Variants in COL6A2 observed in about 807,000 individuals in gnomAD.
COL6A2 encodes the protein collagen type VI alpha 2 chain, also known as collagen alpha-2(VI) chain.
A neutral mutation model predicts 124.9 loss-of-function variants in COL6A2; 90 were observed. The observed-to-expected ratio is 0.72, with a 90% CI of 0.61 to 0.86. The LOEUF (loss-of-function observed/expected upper bound fraction) is 0.86, where lower values mean the gene tolerates loss of function less well. Among genes scored for constraint, COL6A2 ranks in the 40% least tolerant of loss-of-function variants. The probability of loss-of-function intolerance (pLI) is 0.00; values close to 1 mark genes in which losing one functional copy is unlikely to be tolerated. For synonymous variants in COL6A2, 793 were observed against 618.2 expected (o/e 1.28, Z -4.19); for missense variants, 1,607 against 1,502.5 (o/e 1.07, Z -1.15).
chr21:46,125,226 G>C, intron 23 of COL6A2, 40 bp from the exon 24 acceptor site: 3 of 1,601,450 alleles, frequency 1.9e-6, no homozygotes, highest in Non-Finnish European at 2.6e-6. Context: ...ACTCTTCTGG[G>C]GCCCCGGGGG....
intron 1 of COL6A2, among the ~76,000 whole-genome samples, chr21:46,108,451 C>G (rs747866527): frequency 1.3e-5 from 2 of 152,168 alleles, no homozygotes; most frequent in African/African-American, 2.4e-5. Context: ...TTAAAAGGGT[C>G]CATGACCACA....
rs1316612734 is a variant in COL6A2 at position 46,122,451 on chromosome 21, C to T, written c.1573-45C>T. 5 of 1,612,524 alleles carry T rather than the reference C, an allele frequency of 3.1e-6. No individual in the cohort carries two copies. In the South Asian group the frequency reaches 4.4e-5, roughly 14 times the overall value. ...AGCTGCCCAGAGGGAGGAAGGAGCA[C>T]TGGGATCTGAGGCTGAGTCACCCTG... On this transcript the variant is annotated intron_variant, in intron 19 of 27. Transcript: ENST00000300527.
intron 1 of COL6A2, among the ~76,000 whole-genome samples, chr21:46,098,613 G>A (rs1351251763): frequency 6.6e-6 from 1 of 151,660 alleles, no homozygotes; most frequent in African/African-American, 2.4e-5. Context: ...ACCTCCGGGG[G>A]CGCAGGGCCT....
At position 46,129,607 on chromosome 21, in the gene COL6A2, G is replaced by C. The variant is rs896424015; in HGVS notation, c.2462-2347G>C. The C allele has an allele frequency of 1.5e-4, 216 of 1,434,006 alleles. 2 individuals carry two copies. In the East Asian group the frequency reaches 5.3e-3, roughly 35 times the overall value. 88.8% of individuals were successfully genotyped at this position (1,434,006 alleles called of 1,614,324 possible). ...AGAGATCTGGAATCGGGGTCAGCGG[G>C]GCTACAGTCCTTCCAGGGGCTCTGG... On this transcript the variant is annotated intron_variant, in intron 27 of 27. Transcript: ENST00000300527.
chr21:46,106,227 T>G (rs184506072), intron 1 of COL6A2, among the ~76,000 whole-genome samples: 1 of 152,360 alleles, frequency 6.6e-6, no homozygotes, highest in Admixed American at 6.5e-5. Context: ...ATCAAAATAT[T>G]TATATCTTAC....
rs773894163 is a variant in COL6A2, at chr21:46,112,465, T to C, written c.602T>C (p.Leu201Pro). Residue 201 changes from leucine to proline, a missense_variant, in exon 3 of 28, where the codon CTG (leucine) becomes CCG (proline). By Grantham distance (98) the Leu-to-Pro change is moderately conservative (BLOSUM62 -3). This residue lies in a region of COL6A2 where 342 missense variants were observed against 381.5 expected (regional missense o/e 0.90). Coordinates refer to ENST00000300527, the MANE Select transcript of COL6A2 (RefSeq NM_001849.4). ...APNQNLKEQGLRDIASTPHEL... is the reference protein window; with the variant it reads ...APNQNLKEQGPRDIASTPHEL... Reference sequence around the variant, plus strand: ...AACCAGAACCTGAAGGAGCAGGGCCTGCGGGACATCGCCAGCACGCCGCAC... The same window carrying C: ...AACCAGAACCTGAAGGAGCAGGGCCCGCGGGACATCGCCAGCACGCCGCAC... 2 of 1,610,788 alleles carry C rather than the reference T, an allele frequency of 1.2e-6. No homozygotes were observed. Among genetic ancestry groups the C allele is most frequent in the South Asian group, 1.1e-5 (1 of 91,058 alleles).
In COL6A2 at chr21:46,117,431, G is replaced by A. The variant is rs886043223; in HGVS notation, c.1031G>A (p.Cys344Tyr). 2 of 1,612,824 alleles carry A rather than the reference G, an allele frequency of 1.2e-6. No individual in the cohort carries two copies. The highest frequency in any genetic ancestry group is 1.7e-6 in the Non-Finnish European group (2 of 1,179,910). ...CTGGGGCGCATCGGACCTCCTGGCT[G>A]CAAGGGAGACCCTGGAAACCGGGTA... ...GKLGRIGPPG[C>Y]KGDPGNRGPD... is the part of the protein sequence containing the mutation. Residue 344 changes from cysteine to tyrosine, a missense_variant, in exon 11 of 28, where the codon TGC becomes TAC. Cys to Tyr is a radical substitution (Grantham distance 194). This residue lies in a region of COL6A2 where 1,223 missense variants were observed against 1,052.2 expected (regional missense o/e 1.16). Coordinates refer to ENST00000300527, the MANE Select transcript of COL6A2 (RefSeq NM_001849.4).
intron 1 of COL6A2, among the ~76,000 whole-genome samples, chr21:46,106,847 ATTTTGCTCAACT>A (rs1242644399): frequency 1.3e-5 from 2 of 152,018 alleles, no homozygotes; most frequent in African/African-American, 2.4e-5. Context: ...TCTATTTTTT[ATTTTGCTCAACT>A]CTTCTTGCTT....
In COL6A2 at chr21:46,114,094, G is replaced by C. The variant is rs370916929; in HGVS notation, c.801+21G>C. 13 of 1,598,964 alleles carry C rather than the reference G, an allele frequency of 8.1e-6. No homozygotes were observed. The African/African-American group carries it at 1.3e-4, about 16-fold the overall frequency. ...AGAAGGTAAGATGCCCAGATTACCT[G>C]CAGGGTCTGCGCTACCAGGAAGCCC... On this transcript the variant is annotated intron_variant, in intron 5 of 27. Transcript: ENST00000300527.
At chr21:46,113,094 G>A (rs746149230) in intron 4 of COL6A2, 5 of 583,778 alleles carry the variant, frequency 8.6e-6, no homozygotes, top group African/African-American at 3.7e-5. Context: ...CCGGGCAGGT[G>A]GGATCCATCC....
At position 46,132,517 on chromosome 21, in the gene COL6A2, G is replaced by A. The variant is rs35887009; in HGVS notation, c.3025G>A (p.Gly1009Ser). Reference sequence around the variant, plus strand: ...GGACTATGACAGCCTGGCGCAACCCGGCTTCTTCGACCGCTTCATCCGCTG... The same window carrying A: ...GGACTATGACAGCCTGGCGCAACCCAGCTTCTTCGACCGCTTCATCCGCTG... ...EKDYDSLAQP[G>S]FFDRFIRWIC The change falls in exon 28 of 28, where the codon GGC becomes AGC. Residue 1009 changes from glycine (G) to serine (S), a missense_variant. Coordinates refer to ENST00000300527, the MANE Select transcript of COL6A2 (RefSeq NM_001849.4). The A allele has an allele frequency of 1.6e-4, 253 of 1,606,470 alleles. No homozygotes were observed. In the African/African-American group the frequency reaches 2.0e-3, roughly 13 times the overall value.
intron 4 of COL6A2, chr21:46,113,030 C>T (rs755973638): frequency 4.9e-5 from 32 of 654,822 alleles, no homozygotes; most frequent in East Asian, 1.4e-4. Context: ...TGAGGGTCAG[C>T]GTTAGGGTCA....
intron 1 of COL6A2, among the ~76,000 whole-genome samples, chr21:46,108,092 CTATATA>C (rs528212423): frequency 1.4e-5 from 2 of 145,480 alleles, no homozygotes; most frequent in African/African-American, 2.6e-5. Flanking sequence ...TTCTCTCTGT[CTATATA>C]TATATATATT....
At position 46,126,050 on chromosome 21, in the gene COL6A2, G is replaced by T. The variant is rs773668391; in HGVS notation, c.2235G>T (p.Arg745=). The T allele has an allele frequency of 7.4e-6, 12 of 1,612,930 alleles. No individual in the cohort carries two copies. The Admixed American group carries it at 2.0e-4, about 27-fold the overall frequency. The change falls in exon 26 of 28, where the codon CGG becomes CGT. Residue 745 remains arginine (R), a synonymous_variant. Transcript: ENST00000300527. ...HDPRDDDLNL[R]ALCDRDVTVT... is the part of the protein sequence containing the mutation. ...CTCGGGACGATGACCTCAACTTGCG[G>T]GCGCTGTGCGACCGCGACGTCACAG...
chr21:46,111,956 G>C, intron 2 of COL6A2, 23 bp from the exon 3 acceptor site: 1 of 1,606,706 alleles, frequency 6.2e-7, no homozygotes, highest in Non-Finnish European at 8.5e-7. Context: ...AGGCTGGCTC[G>C]TGACAGGTCC....
At chr21:46,108,692 T>C (rs1217659597) in intron 1 of COL6A2, among the ~76,000 whole-genome samples, 2 of 152,230 alleles carry the variant, frequency 1.3e-5, no homozygotes. Flanking sequence ...TATTCCCTAG[T>C]GTTTGTGGCA....
chr21:46,130,365 A>C (rs909257204), intron 27 of COL6A2, among the ~76,000 whole-genome samples: 1 of 152,180 alleles, frequency 6.6e-6, no homozygotes, highest in African/African-American at 2.4e-5. Context: ...CACCATCCAA[A>C]GGGAGCGGCC....
At chr21:46,128,034 ACTTTT>A (rs1020358537) in intron 27 of COL6A2, among the ~76,000 whole-genome samples, 3 of 152,098 alleles carry the variant, frequency 2.0e-5, no homozygotes, top group South Asian at 2.1e-4. Flanking sequence ...ATCAGCCTGC[ACTTTT>A]CTTTTCTCGT....
In COL6A2 at chr21:46,122,140, A is replaced by G. The variant is rs779424467; in HGVS notation, c.1554A>G (p.Pro518=). ...GDPGRPGFSY[P]GPRGAPGEKG... ...CCGGCAGGCCTGGATTCAGCTACCC[A>G]GGACCCCGAGGAGCACCCGTGAGTC... Residue 518 remains proline (P), a synonymous_variant, in exon 19 of 28, where the codon CCA becomes CCG. Transcript: ENST00000300527. 3 of 1,612,560 alleles carry G rather than the reference A, an allele frequency of 1.9e-6. No homozygotes were observed. The highest frequency in any genetic ancestry group is 1.7e-5 in the Admixed American group (1 of 59,972).
Sources: allele counts gnomAD v4.1 joint callset (sites outside exome capture counted in the v4.1 genomes callset), GRCh38; gene constraint gnomAD v4.1.1; regional missense constraint gnomAD v4.1.1; transcripts MANE v1.5; gene names NCBI Gene and HGNC (gene_info 2026-07-23, HGNC 2026-07-21).